Variants in HERC5 observed in about 807,000 individuals in gnomAD.
The protein encoded by HERC5 is E3 ISG15--protein ligase HERC5.
Under a neutral mutation model 119.6 loss-of-function variants are expected in HERC5, and 99 were observed. That is an observed-to-expected ratio of 0.83 (90% CI 0.70 to 0.98). The LOEUF (loss-of-function observed/expected upper bound fraction) is 0.98. Ranked by LOEUF, HERC5 falls within the 50% of genes least tolerant of loss-of-function variation. HERC5 has a pLI of 0.00. For missense variants in HERC5, 1,267 were observed against 1,241.3 expected, an observed-to-expected ratio of 1.02 and a Z score of -0.31; for synonymous variants, 478 against 445.9, an observed-to-expected ratio of 1.07 and a Z score of -0.91.
At chr4:88,480,046 G>T (rs992989633) in intron 13 of HERC5, among the ~76,000 whole-genome samples, 2 of 141,822 alleles carry the variant, frequency 1.4e-5, no homozygotes, top group African/African-American at 2.7e-5. Flanking sequence ...CAGCCTGGGC[G>T]ACAGAGCGAG....
At chr4:88,505,581 G>A (rs2149111899) in intron 22 of HERC5, 92 bp from the exon 23 acceptor site, 1 of 719,934 alleles carries the variant, frequency 1.4e-6, no homozygotes, top group South Asian at 1.9e-5. Context: ...ATGGGCTCCA[G>A]TGAAGTTTTG....
intron 11 of HERC5, chr4:88,473,890 G>GT (rs797016684): frequency 2.0e-5 from 3 of 152,250 alleles, no homozygotes; most frequent in African/African-American, 7.2e-5. Flanking sequence ...AGAACATATG[G>GT]TATGTAAATG....
At position 88,475,856 on chromosome 4, in the gene HERC5, A is replaced by C. The variant is rs1412298475; in HGVS notation, c.1408A>C (p.Lys470Gln). The change falls in exon 12 of 23, where the codon AAA becomes CAA. Residue 470 changes from lysine (K) to glutamine (Q), a missense_variant. By Grantham distance (53) the Lys-to-Gln change is moderately conservative. Coordinates refer to ENST00000264350, the MANE Select transcript of HERC5 (RefSeq NM_016323.4). Reference sequence around the variant, plus strand: ...CTGACCACAGATAACCACCTGCCTCAAAGATAATCTGCTCAAAAGACTTCC... The same window carrying C: ...CTGACCACAGATAACCACCTGCCTCCAAGATAATCTGCTCAAAAGACTTCC... ...WITNMITTCLKDNLLKRLPFH... is the reference protein window; with the variant it reads ...WITNMITTCLQDNLLKRLPFH... 1.2e-6 allele frequency: 2 copies of C among 1,613,982 alleles called. No individual in the cohort carries two copies. The highest frequency in any genetic ancestry group is 1.7e-6 in the Non-Finnish European group (2 of 1,179,974).
chr4:88,471,261 T>C (rs1188318727), intron 10 of HERC5, among the ~76,000 whole-genome samples: 2 of 152,144 alleles, frequency 1.3e-5, no homozygotes, highest in African/African-American at 4.8e-5. Flanking sequence ...TAAGCCACCA[T>C]GCCCAGCTGG....
chr4:88,505,996 T>A lies in HERC5; in HGVS notation c.*118T>A. On this transcript the variant is annotated 3_prime_UTR_variant, in exon 23 of 23. Coordinates refer to ENST00000264350, the MANE Select transcript of HERC5 (RefSeq NM_016323.4). ...TTTTAGCAGCCTGAAGCCATGGTTT[T>A]TCATTTCTGTCTCTAGTGATAAGCA... The A allele has an allele frequency of 1.3e-6, 1 of 765,222 alleles. No individual in the cohort carries two copies. The highest frequency in any genetic ancestry group is 2.8e-5 in the Admixed American group (1 of 36,110). The allele number at this position is 765,222 out of a possible 1,614,324, so 47.4% of individuals were successfully genotyped here. A position where few individuals can be genotyped will look rare whatever the true frequency, so the allele number is the denominator to read the frequency against.
intron 15 of HERC5, among the ~76,000 whole-genome samples, chr4:88,487,853 T>A (rs1265879652): frequency 6.6e-6 from 1 of 152,206 alleles, no homozygotes; most frequent in African/African-American, 2.4e-5. Context: ...AATTTAATAA[T>A]GATTAAATTT....
chr4:88,499,162 C>T (rs1030343486), intron 18 of HERC5, among the ~76,000 whole-genome samples: 1 of 152,190 alleles, frequency 6.6e-6, no homozygotes, highest in African/African-American at 2.4e-5. Context: ...ACATACCTCA[C>T]TGTATTGTAG....
intron 10 of HERC5, among the ~76,000 whole-genome samples, chr4:88,471,758 C>G (rs1288508974): frequency 6.6e-6 from 1 of 152,150 alleles, no homozygotes; most frequent in Non-Finnish European, 1.5e-5. Flanking sequence ...CAGAAGCCCT[C>G]TCTTTTGGTT....
Position 88,487,861 on chromosome 4 carries a change from T to A in HERC5, c.1962+682T>A, listed in dbSNP as rs574318997. Among the ~76,000 whole-genome samples the A allele has an allele frequency of 1.2e-4, 18 of 152,350 alleles. No homozygotes were observed. In the South Asian group the frequency reaches 3.7e-3, roughly 32 times the overall value. On this transcript the variant is annotated intron_variant, in intron 15 of 22. Coordinates refer to ENST00000264350, the MANE Select transcript of HERC5 (RefSeq NM_016323.4). ...GCATTGCAATTTAATAATGATTAAA[T>A]TTGTTAATATAGGTAAAGCATTTAA...
At chr4:88,497,892 G>T (rs976842391) in intron 18 of HERC5, among the ~76,000 whole-genome samples, 7 of 152,184 alleles carry the variant, frequency 4.6e-5, no homozygotes, top group African/African-American at 1.4e-4. Flanking sequence ...GAGTGCCAAG[G>T]CCTGGAGGAC....
intron 15 of HERC5, among the ~76,000 whole-genome samples, chr4:88,487,623 C>A (rs957347565): frequency 2.0e-5 from 3 of 152,154 alleles, no homozygotes; most frequent in Non-Finnish European, 2.9e-5. Flanking sequence ...CAATAAATGG[C>A]TACTACTCTG....
At chr4:88,492,788 C>T (rs1480537487) in intron 16 of HERC5, among the ~76,000 whole-genome samples, 1 of 151,994 alleles carries the variant, frequency 6.6e-6, no homozygotes, top group Non-Finnish European at 1.5e-5. Flanking sequence ...CACCACCTGA[C>T]TATTGTATAA....
intron 18 of HERC5, among the ~76,000 whole-genome samples, chr4:88,497,559 C>G (rs1042312093): frequency 1.5e-4 from 23 of 152,176 alleles, no homozygotes; most frequent in African/African-American, 5.3e-4. Flanking sequence ...GAAGCAATCT[C>G]TAAGCAAAGT....
At chr4:88,498,802 C>T (rs1363477386) in intron 18 of HERC5, among the ~76,000 whole-genome samples, 6 of 152,186 alleles carry the variant, frequency 3.9e-5, no homozygotes, top group African/African-American at 1.4e-4. Flanking sequence ...AACTCTTGAC[C>T]TCAAGTGATC....
chr4:88,461,947 G>T (rs1248710192), intron 3 of HERC5, among the ~76,000 whole-genome samples, 188 bp from the exon 4 acceptor site: 2 of 152,258 alleles, frequency 1.3e-5, no homozygotes, highest in East Asian at 3.9e-4. Context: ...GGATAAGGAA[G>T]TGTAACTGTC....
intron 10 of HERC5, among the ~76,000 whole-genome samples, chr4:88,471,073 G>A (rs1740855152): frequency 6.6e-6 from 1 of 151,630 alleles, no homozygotes; most frequent in African/African-American, 2.4e-5. Flanking sequence ...CTAGGCTCAA[G>A]CAGTCCTCCC....
At chr4:88,489,865 C>T (rs1037261979) in intron 16 of HERC5, among the ~76,000 whole-genome samples, 1 of 151,744 alleles carries the variant, frequency 6.6e-6, no homozygotes, top group African/African-American at 2.4e-5. Flanking sequence ...AAAAATGAAC[C>T]GTGTGTGGTG....
chr4:88,498,658 C>T (rs1377980611), intron 18 of HERC5, among the ~76,000 whole-genome samples: 3 of 152,150 alleles, frequency 2.0e-5, no homozygotes, highest in Non-Finnish European at 4.4e-5. Context: ...GCAACCTCCA[C>T]CTCCCAGGTT....
At chr4:88,492,908 T>C (rs1741691674) in intron 16 of HERC5, 104 bp from the exon 17 acceptor site, 4 of 1,096,600 alleles carry the variant, frequency 3.6e-6, no homozygotes, top group South Asian at 1.7e-5. Flanking sequence ...TTCCAAATAC[T>C]TGGGTCCACA....
Sources: gnomAD v4.1 joint callset for allele counts (sites outside exome capture counted in the v4.1 genomes callset) on GRCh38, gnomAD v4.1.1 for gene constraint, MANE v1.5 for transcripts, NCBI Gene and HGNC (gene_info 2026-07-23, HGNC 2026-07-21) for gene names.